ARHGEF33: variants seen among roughly 807,000 people sequenced by gnomAD.
ARHGEF33 encodes DH and coiled-coil domain-containing protein ENSP00000381780.
Under a neutral mutation model 101.9 loss-of-function variants are expected in ARHGEF33, and 72 were observed. That is an observed-to-expected ratio of 0.71 (90% CI 0.58 to 0.86). ARHGEF33 has a LOEUF of 0.86. Among genes scored for constraint, ARHGEF33 ranks in the 40% least tolerant of loss-of-function variants. The pLI is 0.00. For synonymous variants in ARHGEF33, 499 were observed against 442.5 expected (o/e 1.13, Z -1.60); for missense variants, 1,169 against 1,111.3 (o/e 1.05, Z -0.74).
At chr2:38,893,318 A>G (rs1016889812) in intron 1 of ARHGEF33, among the ~76,000 whole-genome samples, 3 of 151,908 alleles carry the variant, frequency 2.0e-5, no homozygotes, top group South Asian at 2.1e-4. Flanking sequence ...ACCCGCCACC[A>G]TGGGCTAATT....
chr2:38,948,810 C>T (rs1667516706), intron 10 of ARHGEF33, among the ~76,000 whole-genome samples: 1 of 152,178 alleles, frequency 6.6e-6, no homozygotes, highest in South Asian at 2.1e-4. Flanking sequence ...GCATTTTACA[C>T]TTTCAGTACA....
chr2:38,928,724 C>G lies in ARHGEF33; in HGVS notation c.76-183C>G, dbSNP rs76504159. The stretch of plus-strand genomic sequence containing the variant: ...GCATATGCTATATATAAAGAAGACA[C>G]TCTTTTTCTTAGATAAATGGGGCCA... On this transcript the variant is annotated intron_variant, in intron 4 of 17. Transcript: ENST00000409978. 9.0e-4 allele frequency: 430 copies of G among 475,260 alleles called. 1 individual carries two copies. The highest frequency in any genetic ancestry group is 7.6e-3 in the African/African-American group (383 of 50,160). 29.4% of individuals were successfully genotyped at this position (475,260 alleles called of 1,614,324 possible). A position where few individuals can be genotyped will look rare whatever the true frequency, so the allele number is the denominator to read the frequency against.
chr2:38,962,790 G>A (rs1370578633), intron 16 of ARHGEF33, among the ~76,000 whole-genome samples: 2 of 132,660 alleles, frequency 1.5e-5, no homozygotes, highest in African/African-American at 2.8e-5. Flanking sequence ...CGAGGTGGGC[G>A]GATCATGAGG....
intron 2 of ARHGEF33, among the ~76,000 whole-genome samples, chr2:38,918,877 C>CAAAAAAA: frequency 2.0e-5 from 1 of 51,260 alleles, no homozygotes; most frequent in Non-Finnish European, 5.2e-5. Context: ...CCCATCTCTA[C>CAAAAAAA]AAAAAAAAAA....
chr2:38,934,152 A>T (rs562546647), intron 7 of ARHGEF33, among the ~76,000 whole-genome samples: 26 of 152,086 alleles, frequency 1.7e-4, no homozygotes, highest in Non-Finnish European at 3.5e-4. Flanking sequence ...TTTCATCCTT[A>T]CCACTCCTGA....
intron 14 of ARHGEF33, 152 bp from the exon 15 acceptor site, chr2:38,957,882 C>T: frequency 6.5e-6 from 6 of 924,334 alleles, no homozygotes; most frequent in Non-Finnish European, 9.7e-6. Context: ...CCCTATTAAG[C>T]AAAGCAACTT....
intron 6 of ARHGEF33, 82 bp downstream of exon 6, chr2:38,929,912 A>G (rs1666957681): frequency 8.0e-7 from 1 of 1,257,224 alleles, no homozygotes; most frequent in East Asian, 2.6e-5. Flanking sequence ...ATTCCCCACT[A>G]TCAGTGTATA....
intron 14 of ARHGEF33, chr2:38,957,809 C>T (rs1572775946): frequency 1.9e-6 from 1 of 537,828 alleles, no homozygotes; most frequent in Non-Finnish European, 3.3e-6. Context: ...TCCATACCCC[C>T]AACCCCTTCC....
chr2:38,947,158 T>G (rs1667471206), intron 10 of ARHGEF33, among the ~76,000 whole-genome samples: 1 of 152,226 alleles, frequency 6.6e-6, no homozygotes. Context: ...TAAGTTGGGA[T>G]GCAAATAACC....
intron 2 of ARHGEF33, among the ~76,000 whole-genome samples, chr2:38,896,085 G>A (rs757747302): frequency 2.0e-5 from 3 of 152,168 alleles, no homozygotes; most frequent in Non-Finnish European, 2.9e-5. Flanking sequence ...ACTTGATTGC[G>A]TATATGAATG....
intron 16 of ARHGEF33, among the ~76,000 whole-genome samples, chr2:38,961,383 T>C (rs181430867): frequency 6.6e-6 from 1 of 152,240 alleles, no homozygotes; most frequent in East Asian, 1.9e-4. Flanking sequence ...CTACAGGTGT[T>C]TGATATTTTG....
chr2:38,966,384 T>C lies in ARHGEF33; in HGVS notation c.2483+239T>C, dbSNP rs116083675. ...TCTGTCTTTTATCCCTCCTTCCTTG[T>C]TCCCAAAGTCATGTGTCTTGAGAGG... On this transcript the variant is annotated intron_variant, in intron 17 of 17. Transcript: ENST00000409978. 5.5e-3 allele frequency among the ~76,000 whole-genome samples: 832 copies of C among 152,290 alleles called. 12 individuals carry two copies. Among genetic ancestry groups the C allele is most frequent in the African/African-American group, 0.016 (681 of 41,572 alleles).
At chr2:38,970,137 C>T (rs1668134181) in intron 17 of ARHGEF33, among the ~76,000 whole-genome samples, 1 of 152,194 alleles carries the variant, frequency 6.6e-6, no homozygotes, top group African/African-American at 2.4e-5. Context: ...TACTTCCTCG[C>T]TCATTCTCTT....
intron 2 of ARHGEF33, among the ~76,000 whole-genome samples, chr2:38,915,261 A>C (rs1281447364): frequency 6.6e-6 from 1 of 152,210 alleles, no homozygotes; most frequent in Non-Finnish European, 1.5e-5. Flanking sequence ...AACATTCCAG[A>C]GAAAAAATAT....
chr2:38,916,801 C>CT (rs200104155), intron 2 of ARHGEF33, among the ~76,000 whole-genome samples: 11,029 of 137,952 alleles, frequency 0.08, 1,291 homozygotes, highest in African/African-American at 0.26. Flanking sequence ...ATAATAAAGT[C>CT]TTTTTTTTTT....
chr2:38,899,800 G>C (rs1437383793), intron 2 of ARHGEF33, among the ~76,000 whole-genome samples: 2 of 151,978 alleles, frequency 1.3e-5, no homozygotes, highest in East Asian at 3.9e-4. Flanking sequence ...TCATAACATT[G>C]CACTACACTT....
intron 1 of ARHGEF33, among the ~76,000 whole-genome samples, chr2:38,894,879 T>C (rs996168959): frequency 6.6e-6 from 1 of 152,070 alleles, no homozygotes; most frequent in African/African-American, 2.4e-5. Flanking sequence ...TCAGAGCCAG[T>C]ATCAGGCCTT....
At chr2:38,942,748 C>A (rs1205068607) in intron 9 of ARHGEF33, among the ~76,000 whole-genome samples, 1 of 151,960 alleles carries the variant, frequency 6.6e-6, no homozygotes, top group Non-Finnish European at 1.5e-5. Context: ...CGTATATATG[C>A]TTTTTCTTCT....
chr2:38,925,387 G>A (rs1021610999), intron 4 of ARHGEF33, among the ~76,000 whole-genome samples: 1 of 152,168 alleles, frequency 6.6e-6, no homozygotes, highest in Non-Finnish European at 1.5e-5. Flanking sequence ...AATCCTGATT[G>A]AGACTAAGTC....
Sources: allele counts gnomAD v4.1 joint callset (sites outside exome capture counted in the v4.1 genomes callset), GRCh38; gene constraint gnomAD v4.1.1; transcripts MANE v1.5; gene names NCBI Gene and HGNC (gene_info 2026-07-23, HGNC 2026-07-21).